JAG2: variants seen among roughly 807,000 people sequenced by gnomAD.
JAG2 encodes the protein protein jagged-2.
JAG2 carries 46 observed loss-of-function variants against 141.7 expected under a neutral mutation model. That is an observed-to-expected ratio of 0.32 (90% CI 0.26 to 0.42). The LOEUF is 0.42. JAG2 is among the 10% of genes least tolerant of loss of function. JAG2 has a pLI of 1.00. For synonymous variants in JAG2, 862 were observed against 763.5 expected, an observed-to-expected ratio of 1.13 and a Z score of -2.13; for missense variants, 1,500 against 1,817.5, an observed-to-expected ratio of 0.83 and a Z score of 3.18.
In JAG2 at chr14:105,154,193, C is replaced by A. The variant is rs1888515893; in HGVS notation, c.788+1369G>T. On this transcript the variant is annotated intron_variant, in intron 5 of 25. Transcript: ENST00000331782. This position sits in a 1 kb window ranked among gnomAD's most constrained non-coding sequence, Gnocchi z 4.4. The stretch of plus-strand genomic sequence containing the variant: ...AACTCCCCGACTCCTCTCCAAAACG[C>A]CACGCTGTGTGACCCTGGGGAAATC... 6.6e-6 allele frequency among the ~76,000 whole-genome samples: 1 copy of A among 152,220 alleles called. No homozygotes were observed. Among genetic ancestry groups the A allele is most frequent in the Non-Finnish European group, 1.5e-5 (1 of 68,020 alleles).
At position 105,152,218 on chromosome 14, in the gene JAG2, C is replaced by T; in HGVS notation, c.862G>A (p.Val288Met). ...TCACAGTTGCACTGCCAGGGCTCCACACAACTGCCATGCACGCAGCCGGGG... is the reference window on the plus strand; with the variant it reads ...TCACAGTTGCACTGCCAGGGCTCCATACAACTGCCATGCACGCAGCCGGGG... ...PYPGCVHGSC[V>M]EPWQCNCETN... The change falls in exon 6 of 26, where the codon GTG (valine) becomes ATG (methionine). Residue 288 changes from valine to methionine, a missense_variant. Physicochemically the swap from Val to Met is conservative, Grantham distance 21. Transcript: ENST00000331782. The T allele has an allele frequency of 1.2e-6, 2 of 1,613,652 alleles. No homozygotes were observed. The highest frequency in any genetic ancestry group is 1.7e-6 in the Non-Finnish European group (2 of 1,180,010).
rs747845875 is a variant in JAG2 at position 105,147,331 on chromosome 14, C to T, written c.2474G>A (p.Arg825His). The change falls in exon 20 of 26, where the codon CGC (arginine) becomes CAC (histidine). Residue 825 changes from arginine (R) to histidine (H), a missense_variant. By Grantham distance (29) the Arg-to-His change is conservative (BLOSUM62 0). Coordinates refer to ENST00000331782, the MANE Select transcript of JAG2 (RefSeq NM_002226.5). ...GGGGCTGTCTGGCCACTCACTGATGCGGCAGTCAGGCCCCGCGAAGCCAGG... is the reference window on the plus strand; with the variant it reads ...GGGGCTGTCTGGCCACTCACTGATGTGGCAGTCAGGCCCCGCGAAGCCAGG... The part of the protein sequence containing the change: ...CAPGFAGPDC[R>H]INIDECQSSP... The T allele has an allele frequency of 3.9e-6, 6 of 1,555,562 alleles. No individual in the cohort carries two copies. Among genetic ancestry groups the T allele is most frequent in the African/African-American group, 2.7e-5 (2 of 73,300 alleles).
At chr14:105,155,358 A>T (rs116710203) in intron 5 of JAG2, among the ~76,000 whole-genome samples, 1 of 151,976 alleles carries the variant, frequency 6.6e-6, no homozygotes, top group East Asian at 1.9e-4. Context: ...CTGTCCTCAC[A>T]TGGCTGCCGC....
In JAG2 at chr14:105,154,431, C is replaced by G. The variant is rs1888522731; in HGVS notation, c.788+1131G>C. 6.6e-6 allele frequency among the ~76,000 whole-genome samples: 1 copy of G among 152,070 alleles called. No homozygotes were observed. Among genetic ancestry groups the G allele is most frequent in the Non-Finnish European group, 1.5e-5 (1 of 67,984 alleles). On this transcript the variant is annotated intron_variant, in intron 5 of 25. Transcript: ENST00000331782. The surrounding 1 kb of genome is among the most constrained non-coding windows in gnomAD (Gnocchi z 4.4). ...CTCGAAGCCCGTGCCCACCCCAGAC[C>G]CTGGGCCCCAGCCCCTCTGGTTGCC...
In JAG2 at chr14:105,151,222, A is replaced by AGCAGCCCCC. The variant is rs201854766; in HGVS notation, c.1267+52_1267+60dup. On this transcript the variant is annotated intron_variant, in intron 9 of 25. Coordinates refer to ENST00000331782, the MANE Select transcript of JAG2 (RefSeq NM_002226.5). ...CAGCCCCAGCAGCCCCCGCAGCCCCAGCAGCCCCCGCAGCCCGCATGCGCG... is the reference window on the plus strand; with the variant it reads ...CAGCCCCAGCAGCCCCCGCAGCCCCAGCAGCCCCCGCAGCCCCCGCAGCCCGCATGCGCG... The AGCAGCCCCC allele has an allele frequency of 1.0e-3, 1,569 of 1,515,344 alleles. 23 individuals are homozygous for AGCAGCCCCC. The East Asian group carries it at 0.029, about 28-fold the overall frequency. The allele number at this position is 1,515,344 out of a possible 1,614,324, so 93.9% of individuals were successfully genotyped here. A position where few individuals can be genotyped will look rare whatever the true frequency, so the allele number is the denominator to read the frequency against.
At chr14:105,163,680 A>C (rs1888825711) in intron 2 of JAG2, among the ~76,000 whole-genome samples, 1 of 151,402 alleles carries the variant, frequency 6.6e-6, no homozygotes, top group Non-Finnish European at 1.5e-5. Context: ...GACCTCACTC[A>C]GATCTGGGGT....
At chr14:105,161,570 C>G (rs1029605810) in intron 2 of JAG2, among the ~76,000 whole-genome samples, 2 of 152,184 alleles carry the variant, frequency 1.3e-5, no homozygotes, top group Admixed American at 6.5e-5. Flanking sequence ...GAGGGCCTCA[C>G]CGCCCGCCAG....
rs1185892415 is a variant in JAG2 at position 105,155,791 on chromosome 14, T to C, written c.674A>G (p.Gln225Arg). ...NDFFGHYTCD[Q>R]YGNKACMDGW... ...GTCCATGCAGGCCTTGTTGCCGTAC[T>C]GGTCGCAGGTGTAGTGGCCGAAAAA... is the stretch of plus-strand genomic sequence containing the variant. Residue 225 changes from glutamine (Q) to arginine (R), a missense_variant, in exon 4 of 26, where the codon CAG becomes CGG. This residue lies in a region of JAG2 where 875 missense variants were observed against 1,202.2 expected (regional missense o/e 0.73). Coordinates refer to ENST00000331782, the MANE Select transcript of JAG2 (RefSeq NM_002226.5). 1.2e-6 allele frequency: 2 copies of C among 1,612,940 alleles called. No individual in the cohort carries two copies. Among genetic ancestry groups the C allele is most frequent in the Admixed American group, 1.7e-5 (1 of 60,016 alleles).
At position 105,146,454 on chromosome 14, in the gene JAG2, T is replaced by C. The variant is rs1888226614; in HGVS notation, c.2640A>G (p.Pro880=). 6.2e-7 allele frequency: 1 copy of C among 1,612,736 alleles called. No homozygotes were observed. Among genetic ancestry groups the C allele is most frequent in the Non-Finnish European group, 8.5e-7 (1 of 1,179,890 alleles). The change falls in exon 22 of 26, where the codon CCA becomes CCG. Residue 880 remains proline (P), a synonymous_variant. Transcript: ENST00000331782. The part of the protein sequence containing the change: ...RSCWSRGTPF[P]HGSSWVEDCN... ...AGTCTTCCACCCAGGAGCTTCCGTG[T>C]GGGAACGGAGTGCCCCGGGACCAGC...
In JAG2 at chr14:105,145,046, C is replaced by T. The variant is rs766346968; in HGVS notation, c.2968G>A (p.Ala990Thr). The T allele has an allele frequency of 1.5e-5, 24 of 1,609,814 alleles. No individual in the cohort carries two copies. The highest frequency in any genetic ancestry group is 8.3e-5 in the Admixed American group (5 of 59,968). ...AGGGAGCGGATCCCGGAGCAAATGG[C>T]GCCCACCGTGGTGCCCTGGGCAGAG... ...DHVPQGTTVG[A>T]ICSGIRSLPA... Residue 990 changes from alanine to threonine, a missense_variant, in exon 24 of 26, where the codon GCC becomes ACC. Physicochemically the swap from Ala to Thr is moderately conservative, Grantham distance 58. Coordinates refer to ENST00000331782, the MANE Select transcript of JAG2 (RefSeq NM_002226.5).
chr14:105,163,086 C>T (rs1378033708), intron 2 of JAG2, among the ~76,000 whole-genome samples: 2 of 152,226 alleles, frequency 1.3e-5, no homozygotes, highest in Non-Finnish European at 2.9e-5. Context: ...GCCCCACCAA[C>T]GCCCCGACTT....
Position 105,142,733 on chromosome 14 carries a change from T to C in JAG2, c.3679A>G (p.Arg1227Gly). 1.2e-6 allele frequency: 2 copies of C among 1,608,526 alleles called. No homozygotes were observed. Among genetic ancestry groups the C allele is most frequent in the Non-Finnish European group, 1.7e-6 (2 of 1,178,104 alleles). The change falls in exon 26 of 26, where the codon AGG becomes GGG. Residue 1227 changes from arginine to glycine, a missense_variant. Physicochemically the swap from Arg to Gly is moderately radical, Grantham distance 125 (BLOSUM62 -2). Coordinates refer to ENST00000331782, the MANE Select transcript of JAG2 (RefSeq NM_002226.5). Reference sequence around the variant, plus strand: ...GCGTAGCGGGCCTCATTGATGCTCCTGACCGCGCGGTTGTCCACTTTGGGG... The same window carrying C: ...GCGTAGCGGGCCTCATTGATGCTCCCGACCGCGCGGTTGTCCACTTTGGGG... ...SGPKVDNRAV[R>G]SINEARYAGK...
At chr14:105,159,264 G>A (rs1003167935) in intron 2 of JAG2, among the ~76,000 whole-genome samples, 8 of 151,988 alleles carry the variant, frequency 5.3e-5, no homozygotes, top group African/African-American at 1.2e-4. Context: ...CAGAACACCC[G>A]GGGACGGCCC....
At position 105,149,325 on chromosome 14, in the gene JAG2, A is replaced by G. The variant is rs768496208; in HGVS notation, c.1603-5T>C. The stretch of plus-strand genomic sequence containing the variant: ...CTCACAAAGGTCGACATCCACCTGC[A>G]GGGTGGGGGGTGCCTGTGAGAGCCT... On this transcript the variant is annotated splice_region_variant and splice_polypyrimidine_tract_variant and intron_variant, in intron 12 of 25. Transcript: ENST00000331782. The G allele has an allele frequency of 6.2e-7, 1 of 1,612,576 alleles. No individual in the cohort carries two copies. Among genetic ancestry groups the G allele is most frequent in the Non-Finnish European group, 8.5e-7 (1 of 1,179,944 alleles).
chr14:105,159,087 C>T (rs117678142), intron 2 of JAG2, among the ~76,000 whole-genome samples: 13,957 of 151,898 alleles, frequency 0.092, 813 homozygotes, highest in South Asian at 0.2. Context: ...CCCTAACCAA[C>T]GTGCTACCAG....
At position 105,143,751 on chromosome 14, in the gene JAG2, G is replaced by A. The variant is rs977352380; in HGVS notation, c.3085-113C>T. On this transcript the variant is annotated intron_variant, in intron 24 of 25. Coordinates refer to ENST00000331782, the MANE Select transcript of JAG2 (RefSeq NM_002226.5). ...GGAGCAAGGTGGGCGCACGGGAGACGAGAGCCCGGGGTCCTGCAGTGGCGA... is the reference window on the plus strand; with the variant it reads ...GGAGCAAGGTGGGCGCACGGGAGACAAGAGCCCGGGGTCCTGCAGTGGCGA... The A allele has an allele frequency of 1.0e-4, 135 of 1,317,050 alleles. No homozygotes were observed. In the East Asian group the frequency reaches 1.1e-3, roughly 10 times the overall value. The allele number at this position is 1,317,050 out of a possible 1,614,324, so 81.6% of individuals were successfully genotyped here. A position where few individuals can be genotyped will look rare whatever the true frequency, so the allele number is the denominator to read the frequency against.
At chr14:105,149,647 G>A (rs1414544412) in intron 12 of JAG2, among the ~76,000 whole-genome samples, 1 of 151,096 alleles carries the variant, frequency 6.6e-6, no homozygotes, top group Non-Finnish European at 1.5e-5. Context: ...CACCCTCAGA[G>A]CCAAGACTGT....
At chr14:105,165,705 G>A (rs1888888415) in intron 2 of JAG2, among the ~76,000 whole-genome samples, 2 of 152,302 alleles carry the variant, frequency 1.3e-5, no homozygotes, top group Non-Finnish European at 1.5e-5. Context: ...GGGAGCGAAT[G>A]CAGAGCCCAG....
rs201604735 is a variant in JAG2 at position 105,144,002 on chromosome 14, G to T, written c.3085-364C>A. 4.3e-4 allele frequency among the ~76,000 whole-genome samples: 65 copies of T among 150,642 alleles called. No homozygotes were observed. In the East Asian group the frequency reaches 0.012, roughly 27 times the overall value. On this transcript the variant is annotated intron_variant, in intron 24 of 25. Transcript: ENST00000331782. ...ACCTCACCAGCAGGCAGTGAGGGGT[G>T]GGGGGAAGTGGAGGGGTGGAGGGTG...
Sources: allele counts gnomAD v4.1 joint callset (sites outside exome capture counted in the v4.1 genomes callset), GRCh38; gene constraint gnomAD v4.1.1; regional missense constraint gnomAD v4.1.1; non-coding constraint Gnocchi (gnomAD v3.1); transcripts MANE v1.5; gene names NCBI Gene and HGNC (gene_info 2026-07-23, HGNC 2026-07-21).